Variants in ADGRL3 observed in about 807,000 individuals in gnomAD.
ADGRL3 encodes the protein calcium-independent alpha-latrotoxin receptor 3.
Under a neutral mutation model 153.5 loss-of-function variants are expected in ADGRL3, and 62 were observed. The observed-to-expected ratio is 0.40, with a 90% confidence interval of 0.33 to 0.50. The LOEUF (loss-of-function observed/expected upper bound fraction) is 0.50, where lower values mean the gene tolerates loss of function less well. Ranked by LOEUF, ADGRL3 falls within the 20% of genes least tolerant of loss-of-function variation. ADGRL3 has a pLI of 0.47. For synonymous variants in ADGRL3, 710 were observed against 672.5 expected (o/e 1.06, Z -0.86); for missense variants, 1,641 against 1,859.4 (o/e 0.88, Z 2.16).
At chr4:61,884,159 T>TCTC (rs2098524000) in intron 9 of ADGRL3, among the ~76,000 whole-genome samples, 1 of 152,210 alleles carries the variant, frequency 6.6e-6, no homozygotes, top group Admixed American at 6.5e-5. Flanking sequence ...AGAGCTGAGC[T>TCTC]CTCTCACAGG....
chr4:61,419,209 A>G (rs1220733217), intron 2 of ADGRL3, among the ~76,000 whole-genome samples: 1 of 150,852 alleles, frequency 6.6e-6, no homozygotes. Context: ...ATTTTACTAT[A>G]TGCTTATTAA....
At chr4:62,049,684 G>A (rs940108385) in intron 25 of ADGRL3, among the ~76,000 whole-genome samples, 6 of 152,144 alleles carry the variant, frequency 3.9e-5, no homozygotes, top group African/African-American at 1.4e-4. Flanking sequence ...GACCCCACCT[G>A]TTAGGAGTAT....
intron 2 of ADGRL3, among the ~76,000 whole-genome samples, chr4:61,422,576 A>G (rs1421359331): frequency 6.6e-6 from 1 of 152,112 alleles, no homozygotes; most frequent in Non-Finnish European, 1.5e-5. Context: ...ATAAAACCAA[A>G]ATTGGTCCAA....
At chr4:61,891,960 TC>T (rs1204901914) in intron 9 of ADGRL3, among the ~76,000 whole-genome samples, 2 of 152,318 alleles carry the variant, frequency 1.3e-5, no homozygotes, top group East Asian at 3.9e-4. Context: ...GAATACATTT[TC>T]CCATTCAAAC....
At chr4:61,623,266 A>G (rs1389020390) in intron 5 of ADGRL3, among the ~76,000 whole-genome samples, 1 of 152,044 alleles carries the variant, frequency 6.6e-6, no homozygotes, top group East Asian at 1.9e-4. Flanking sequence ...GTTTAACCGT[A>G]CACACTGTCC....
chr4:61,397,924 A>G (rs569635128), intron 2 of ADGRL3, among the ~76,000 whole-genome samples: 1 of 152,016 alleles, frequency 6.6e-6, no homozygotes, highest in East Asian at 1.9e-4. Context: ...TTGGAGAGCT[A>G]TCCATGCTGT....
At chr4:61,973,954 A>C (rs927232351) in intron 17 of ADGRL3, among the ~76,000 whole-genome samples, 1 of 152,044 alleles carries the variant, frequency 6.6e-6, no homozygotes. Flanking sequence ...CTTTCTTCGG[A>C]TGCTTTGGAC....
intron 8 of ADGRL3, among the ~76,000 whole-genome samples, chr4:61,741,882 T>C (rs942443391): frequency 6.6e-6 from 1 of 152,258 alleles, no homozygotes; most frequent in Admixed American, 6.5e-5. Flanking sequence ...CCCTGATAAA[T>C]GTATAATTGT....
chr4:61,946,206 T>C (rs2098922947), intron 15 of ADGRL3, among the ~76,000 whole-genome samples: 1 of 152,322 alleles, frequency 6.6e-6, no homozygotes, highest in South Asian at 2.1e-4. Flanking sequence ...GTTCCATTTC[T>C]TCCACATCCT....
chr4:62,015,454 A>C (rs909065868), intron 21 of ADGRL3, among the ~76,000 whole-genome samples: 6 of 152,234 alleles, frequency 3.9e-5, no homozygotes, highest in Non-Finnish European at 8.8e-5. Context: ...AAAAAGGAAC[A>C]ATTTATTAGC....
intron 1 of ADGRL3, among the ~76,000 whole-genome samples, chr4:61,263,471 A>G (rs2092670064): frequency 6.6e-6 from 1 of 151,576 alleles, no homozygotes; most frequent in Admixed American, 6.6e-5. Context: ...AAAAAAAAAA[A>G]AAGACCCTGA....
At chr4:61,621,978 T>C (rs933163937) in intron 5 of ADGRL3, among the ~76,000 whole-genome samples, 12 of 152,156 alleles carry the variant, frequency 7.9e-5, no homozygotes, top group African/African-American at 2.7e-4. Flanking sequence ...GTCAGACAGT[T>C]AGACTGCAGT....
chr4:61,767,605 C>T (rs2097012245), intron 8 of ADGRL3, among the ~76,000 whole-genome samples: 1 of 152,116 alleles, frequency 6.6e-6, no homozygotes, highest in African/African-American at 2.4e-5. Flanking sequence ...AGCCTTGGGC[C>T]AGAGTTCCAG....
chr4:62,037,310 C>T (rs891776467), intron 23 of ADGRL3, among the ~76,000 whole-genome samples: 4 of 152,038 alleles, frequency 2.6e-5, no homozygotes, highest in Non-Finnish European at 5.9e-5. Flanking sequence ...TTCCTCCACC[C>T]CAGTCTCTGT....
chr4:61,952,732 A>G (rs2098951974), intron 17 of ADGRL3, among the ~76,000 whole-genome samples: 1 of 152,152 alleles, frequency 6.6e-6, no homozygotes, highest in African/African-American at 2.4e-5. Flanking sequence ...TTAAATCTGG[A>G]TTGTATTACT....
At chr4:61,441,671 C>T (rs964384934) in intron 2 of ADGRL3, among the ~76,000 whole-genome samples, 2 of 151,966 alleles carry the variant, frequency 1.3e-5, no homozygotes, top group Non-Finnish European at 2.9e-5. Context: ...AGGTGCATGC[C>T]GCTACGCCTG....
intron 15 of ADGRL3, among the ~76,000 whole-genome samples, chr4:61,937,400 ATT>A (rs561189802): frequency 8.8e-5 from 12 of 135,760 alleles, no homozygotes; most frequent in Non-Finnish European, 8.0e-5. Flanking sequence ...GGTTTGGGGC[ATT>A]TTTTTTTTTT....
At chr4:61,987,813 A>C (rs1025061728) in intron 19 of ADGRL3, among the ~76,000 whole-genome samples, 4 of 152,130 alleles carry the variant, frequency 2.6e-5, no homozygotes, top group African/African-American at 9.7e-5. Context: ...ATCTAGAATA[A>C]AACCATTGAA....
At chr4:61,841,177 T>C (rs1293031723) in intron 9 of ADGRL3, among the ~76,000 whole-genome samples, 1 of 152,186 alleles carries the variant, frequency 6.6e-6, no homozygotes, top group Non-Finnish European at 1.5e-5. Context: ...TTTCATATTT[T>C]GCAAAAATAA....
Sources: allele counts gnomAD v4.1 joint callset (sites outside exome capture counted in the v4.1 genomes callset), GRCh38; gene constraint gnomAD v4.1.1; transcripts MANE v1.5; gene names NCBI Gene and HGNC (gene_info 2026-07-23, HGNC 2026-07-21).